The following TLE4 variants were observed in gnomAD, a reference collection of about 807,000 sequenced individuals.
The protein encoded by TLE4 is transducin-like enhancer protein 4.
Under a neutral mutation model 92.8 loss-of-function variants are expected in TLE4, and 8 were observed. That is an observed-to-expected ratio of 0.09 (90% CI 0.05 to 0.16). The LOEUF (loss-of-function observed/expected upper bound fraction) is 0.16. Among genes scored for constraint, TLE4 ranks in the 10% least tolerant of loss-of-function variants. The probability of loss-of-function intolerance (pLI) is 1.00; values close to 1 mark genes in which losing one functional copy is unlikely to be tolerated. For synonymous variants in TLE4, 371 were observed against 374.1 expected (o/e 0.99, Z 0.10); for missense variants, 675 against 997.6 (o/e 0.68, Z 4.36).
chr9:79,597,717 AGGTCTTCT>A (rs1267496196), intron 4 of TLE4, among the ~76,000 whole-genome samples: 1 of 152,108 alleles, frequency 6.6e-6, no homozygotes, highest in Non-Finnish European at 1.5e-5. Flanking sequence ...GTCAAACATG[AGGTCTTCT>A]GGTATCAACT....
intron 14 of TLE4, among the ~76,000 whole-genome samples, chr9:79,711,021 G>A (rs1019734650): frequency 9.2e-5 from 14 of 152,204 alleles, no homozygotes; most frequent in African/African-American, 3.1e-4. Context: ...TCACCCTGGT[G>A]TTAATTGCGT....
chr9:79,574,034 T>C (rs765694012), intron 2 of TLE4: 1 of 292,208 alleles, frequency 3.4e-6, no homozygotes, highest in Non-Finnish European at 6.3e-6. Context: ...TGGAAAACGC[T>C]GAGGCCAAAC....
chr9:79,708,182 C>T lies in TLE4; in HGVS notation c.1001C>T (p.Thr334Ile). 4 of 1,614,172 alleles carry T rather than the reference C, an allele frequency of 2.5e-6. 1 individual carries two copies. In the South Asian group the frequency reaches 4.4e-5, roughly 18 times the overall value. Reference sequence around the variant, plus strand: ...CCTACTCCACGAACTGATGCGCCCACCCCAGGCAGTAACTCTACTCCCGGA... The same window carrying T: ...CCTACTCCACGAACTGATGCGCCCATCCCAGGCAGTAACTCTACTCCCGGA... ...NTPTPRTDAP[T>I]PGSNSTPGLR... is the part of the protein sequence containing the mutation. The change falls in exon 12 of 20, where the codon ACC becomes ATC. Residue 334 changes from threonine to isoleucine, a missense_variant. By Grantham distance (89) the Thr-to-Ile change is moderately conservative. Coordinates refer to ENST00000376552, the MANE Select transcript of TLE4 (RefSeq NM_007005.6).
chr9:79,572,725 C>T lies in TLE4; in HGVS notation c.-66C>T. The T allele has an allele frequency of 1.9e-6, 3 of 1,556,914 alleles. No individual in the cohort carries two copies. Among genetic ancestry groups the T allele is most frequent in the Admixed American group, 3.6e-5 (2 of 55,808 alleles). On this transcript the variant is annotated 5_prime_UTR_variant, in exon 1 of 20. Coordinates refer to ENST00000376552, the MANE Select transcript of TLE4 (RefSeq NM_007005.6). ...GCCTCCGCTGCCGCGGCCGCCTCCT[C>T]TTCGGGGTCATTAAAGCCAATGAGC... is the stretch of plus-strand genomic sequence containing the variant.
chr9:79,597,458 G>A (rs2132516616), intron 4 of TLE4, among the ~76,000 whole-genome samples: 1 of 152,124 alleles, frequency 6.6e-6, no homozygotes, highest in African/African-American at 2.4e-5. Flanking sequence ...ACTCTGAGTA[G>A]ATGAATCTCA....
intron 6 of TLE4, among the ~76,000 whole-genome samples, chr9:79,651,967 G>A (rs2059077337): frequency 6.6e-6 from 1 of 152,074 alleles, no homozygotes; most frequent in African/African-American, 2.4e-5. Flanking sequence ...GATAAAAAAA[G>A]CCTTTTATGA....
chr9:79,612,875 A>G (rs2048678019), intron 5 of TLE4, among the ~76,000 whole-genome samples, 157 bp downstream of exon 5: 1 of 152,152 alleles, frequency 6.6e-6, no homozygotes, highest in Non-Finnish European at 1.5e-5. Flanking sequence ...CAACTTGTAT[A>G]CCTTAGTAAC....
chr9:79,583,105 A>G (rs541978174), intron 4 of TLE4, among the ~76,000 whole-genome samples: 11 of 152,074 alleles, frequency 7.2e-5, no homozygotes, highest in Non-Finnish European at 1.6e-4. Context: ...CTATCTATGG[A>G]GAGGGATTTA....
intron 1 of TLE4, 193 bp from the exon 2 acceptor site, chr9:79,573,496 C>T (rs2036571749): frequency 3.3e-6 from 3 of 904,148 alleles, no homozygotes; most frequent in South Asian, 3.4e-5. Context: ...TGCGGGGCCC[C>T]AGGACCACCT....
intron 6 of TLE4, among the ~76,000 whole-genome samples, chr9:79,634,368 A>G (rs1474697621): frequency 1.3e-5 from 2 of 152,240 alleles, no homozygotes; most frequent in Non-Finnish European, 2.9e-5. Context: ...GAAATAGTTA[A>G]TAAAAAACAT....
intron 14 of TLE4, among the ~76,000 whole-genome samples, chr9:79,716,821 T>C (rs1300388593): frequency 6.6e-6 from 1 of 152,244 alleles, no homozygotes; most frequent in Non-Finnish European, 1.5e-5. Context: ...ATCTCACTAA[T>C]GAATGTGCCC....
At position 79,573,725 on chromosome 9, in the gene TLE4, A is replaced by G. The variant is rs1466143127; in HGVS notation, c.82A>G (p.Ile28Val). The change falls in exon 2 of 20, where the codon ATT (isoleucine) becomes GTT (valine). Residue 28 changes from isoleucine to valine, a missense_variant. Physicochemically the swap from Ile to Val is conservative, Grantham distance 29. Transcript: ENST00000376552. ...GCCTGCTCAACCCTTTAAATTTACAATTTCCGAATCCTGTGATCGGATTAA... is the reference window on the plus strand; with the variant it reads ...GCCTGCTCAACCCTTTAAATTTACAGTTTCCGAATCCTGTGATCGGATTAA... ...HQPAQPFKFT[I>V]SESCDRIKEE... 15 of 1,606,758 alleles carry G rather than the reference A, an allele frequency of 9.3e-6. No homozygotes were observed. Among genetic ancestry groups the G allele is most frequent in the African/African-American group, 1.3e-5 (1 of 74,806 alleles).
At chr9:79,574,754 G>T (rs1044715513) in intron 2 of TLE4, 119 bp from the exon 3 acceptor site, 5 of 781,010 alleles carry the variant, frequency 6.4e-6, no homozygotes, top group Middle Eastern at 3.2e-4. Flanking sequence ...ATAATGATGG[G>T]GGTATTTATT....
intron 4 of TLE4, among the ~76,000 whole-genome samples, chr9:79,604,892 G>C (rs2046448058): frequency 1.3e-5 from 2 of 152,164 alleles, no homozygotes; most frequent in African/African-American, 4.8e-5. Flanking sequence ...TGGGAACAAG[G>C]AGTATCTTCT....
At chr9:79,642,370 C>T (rs2057337884) in intron 6 of TLE4, among the ~76,000 whole-genome samples, 1 of 151,958 alleles carries the variant, frequency 6.6e-6, no homozygotes. Context: ...ATCCTCCTGC[C>T]TCAGCCTCCC....
At chr9:79,645,072 C>T (rs2057876331) in intron 6 of TLE4, among the ~76,000 whole-genome samples, 1 of 152,130 alleles carries the variant, frequency 6.6e-6, no homozygotes, top group Admixed American at 6.5e-5. Flanking sequence ...GTGTTATAAC[C>T]TATAAAGTCA....
chr9:79,606,789 G>C (rs1281959383), intron 4 of TLE4, among the ~76,000 whole-genome samples: 1 of 152,110 alleles, frequency 6.6e-6, no homozygotes, highest in Non-Finnish European at 1.5e-5. Context: ...ATGGACATTT[G>C]GATTGGTCCC....
At chr9:79,719,975 A>G (rs908427136) in intron 15 of TLE4, 71 bp from the exon 16 acceptor site, 1 of 1,526,572 alleles carries the variant, frequency 6.6e-7, no homozygotes, top group African/African-American at 1.4e-5. Context: ...ACTTTTATGG[A>G]TTTCTGCTCT....
chr9:79,610,511 A>G (rs2048111320), intron 4 of TLE4, among the ~76,000 whole-genome samples: 1 of 151,998 alleles, frequency 6.6e-6, no homozygotes, highest in South Asian at 2.1e-4. Context: ...GTGAAGAATG[A>G]CCTGCTTAAT....
Sources: gnomAD v4.1 joint callset for allele counts (sites outside exome capture counted in the v4.1 genomes callset) on GRCh38, gnomAD v4.1.1 for gene constraint, MANE v1.5 for transcripts, NCBI Gene and HGNC (gene_info 2026-07-23, HGNC 2026-07-21) for gene names.